PCBP3: variants seen among roughly 807,000 people sequenced by gnomAD.
PCBP3 encodes poly(rC) binding protein 3.
PCBP3 carries 25 observed loss-of-function variants against 52.7 expected under a neutral mutation model. The ratio of observed to expected loss-of-function variants is 0.47; its 90% CI spans 0.35 to 0.66. The LOEUF is 0.66. Ranked by LOEUF, PCBP3 falls within the 30% of genes least tolerant of loss-of-function variation. The pLI is 0.01. For synonymous variants in PCBP3, 162 were observed against 183.0 expected (o/e 0.89, Z 0.93); for missense variants, 391 against 490.3 (o/e 0.80, Z 1.91).
Position 45,890,511 on chromosome 21 carries a change from T to A in PCBP3, c.11-5697T>A, listed in dbSNP as rs141735452. On this transcript the variant is annotated intron_variant, in intron 5 of 17. Transcript: ENST00000681687. Reference sequence around the variant, plus strand: ...GATAATAGAACCTGGAACTCTGCACTGCTGAGGGGAATGTAGATAACAGAA... The same window carrying A: ...GATAATAGAACCTGGAACTCTGCACAGCTGAGGGGAATGTAGATAACAGAA... 7.0e-4 allele frequency among the ~76,000 whole-genome samples: 101 copies of A among 144,598 alleles called. 5 individuals carry two copies. The highest frequency in any genetic ancestry group is 2.6e-3 in the African/African-American group (100 of 37,938). 94.9% of individuals were successfully genotyped at this position (144,598 alleles called of 152,430 possible).
At chr21:45,908,230 G>A (rs551279801) in intron 9 of PCBP3, among the ~76,000 whole-genome samples, 1 of 152,276 alleles carries the variant, frequency 6.6e-6, no homozygotes, top group South Asian at 2.1e-4. Context: ...GTTTTCCTGG[G>A]AGAGGAGGGG....
intron 4 of PCBP3, among the ~76,000 whole-genome samples, chr21:45,779,811 T>A (rs1196148011): frequency 4.6e-5 from 7 of 152,192 alleles, no homozygotes; most frequent in Non-Finnish European, 1.0e-4. Context: ...GAACTCCCAA[T>A]CAAAGTCCCA....
chr21:45,764,560 A>G (rs2089104149), intron 4 of PCBP3, among the ~76,000 whole-genome samples: 1 of 152,194 alleles, frequency 6.6e-6, no homozygotes, highest in African/African-American at 2.4e-5. Flanking sequence ...GCTGCCCACC[A>G]TGGAGCCTCT....
At chr21:45,823,780 C>T (rs1157404610) in intron 4 of PCBP3, among the ~76,000 whole-genome samples, 1 of 151,772 alleles carries the variant, frequency 6.6e-6, no homozygotes, top group Non-Finnish European at 1.5e-5. Flanking sequence ...CCCTTTCTGT[C>T]GCCCAGTTTG....
chr21:45,741,851 T>C lies in PCBP3; in HGVS notation c.-162+6422T>C, dbSNP rs2086475093. On this transcript the variant is annotated intron_variant, in intron 3 of 17. Coordinates refer to ENST00000681687, the MANE Select transcript of PCBP3 (RefSeq NM_001384156.1). This position sits in a 1 kb window ranked among gnomAD's most constrained non-coding sequence, Gnocchi z 4.5. ...TTGGTGAATCTGAGGCAGATCTTTC[T>C]CCTCAGGTTGCTTGAGCTCTGCAGC... Among the ~76,000 whole-genome samples the C allele has an allele frequency of 6.6e-6, 1 of 152,112 alleles. No homozygotes were observed. Among genetic ancestry groups the C allele is most frequent in the Non-Finnish European group, 1.5e-5 (1 of 68,020 alleles).
chr21:45,730,513 T>C (rs189902838), intron 2 of PCBP3, among the ~76,000 whole-genome samples: 15 of 152,276 alleles, frequency 9.9e-5, no homozygotes, highest in Non-Finnish European at 1.3e-4. Flanking sequence ...CTGTTATAAT[T>C]GTGTGGAGTG....
intron 1 of PCBP3, among the ~76,000 whole-genome samples, chr21:45,649,409 A>T (rs2146784051): frequency 6.6e-6 from 1 of 152,336 alleles, no homozygotes; most frequent in Admixed American, 6.5e-5. Context: ...AAAAATATTT[A>T]AATATTTGCT....
At chr21:45,892,905 T>C (rs1179004366) in intron 5 of PCBP3, among the ~76,000 whole-genome samples, 1 of 151,974 alleles carries the variant, frequency 6.6e-6, no homozygotes, top group African/African-American at 2.4e-5. Flanking sequence ...TCAGGGCCAC[T>C]GTGTGAGCTG....
intron 4 of PCBP3, chr21:45,763,508 G>A (rs1331889801): frequency 6.6e-6 from 1 of 152,276 alleles, no homozygotes; most frequent in East Asian, 1.9e-4. Context: ...GCGTAGAGGA[G>A]CATCCTCAGG....
chr21:45,669,158 G>A (rs1442247237), intron 2 of PCBP3: 2 of 151,992 alleles, frequency 1.3e-5, no homozygotes, highest in Non-Finnish European at 2.9e-5. Context: ...GATTAAATTT[G>A]TGTTAGATTT....
At chr21:45,833,465 A>G (rs1345249043) in intron 4 of PCBP3, among the ~76,000 whole-genome samples, 1 of 152,252 alleles carries the variant, frequency 6.6e-6, no homozygotes, top group Non-Finnish European at 1.5e-5. Context: ...TGCCAGGCTC[A>G]GAACTTTCCC....
At chr21:45,874,809 C>T (rs952795579) in intron 5 of PCBP3, among the ~76,000 whole-genome samples, 3 of 152,218 alleles carry the variant, frequency 2.0e-5, no homozygotes, top group African/African-American at 7.2e-5. Context: ...GAAGGCATCC[C>T]TTCCCGTCAC....
chr21:45,704,971 T>C lies in PCBP3; in HGVS notation c.-199-30421T>C, dbSNP rs1603293878. Among the ~76,000 whole-genome samples the C allele has an allele frequency of 6.6e-6, 1 of 152,328 alleles. No individual in the cohort carries two copies. Among genetic ancestry groups the C allele is most frequent in the Non-Finnish European group, 1.5e-5 (1 of 68,012 alleles). ...ACCATTAGCCTCCACAGAGCCCATC[T>C]TGGGGAGGTGTGCCTCTTTTTTCTG... On this transcript the variant is annotated intron_variant, in intron 2 of 17. Coordinates refer to ENST00000681687, the MANE Select transcript of PCBP3 (RefSeq NM_001384156.1). This position sits in a 1 kb window ranked among gnomAD's most constrained non-coding sequence, Gnocchi z 4.1.
At chr21:45,667,708 G>A (rs955313956) in intron 1 of PCBP3, among the ~76,000 whole-genome samples, 5 of 151,968 alleles carry the variant, frequency 3.3e-5, no homozygotes, top group African/African-American at 1.2e-4. Context: ...CTGTGTATGG[G>A]CCATATTTTC....
intron 14 of PCBP3, 99 bp downstream of exon 14, chr21:45,930,094 T>C (rs2075980660): frequency 5.7e-6 from 5 of 872,028 alleles, no homozygotes; most frequent in South Asian, 1.7e-5. Flanking sequence ...ACAGGTGCAG[T>C]TGGATTTGTG....
intron 4 of PCBP3, among the ~76,000 whole-genome samples, chr21:45,824,226 C>A (rs2093241988): frequency 6.6e-6 from 1 of 152,192 alleles, no homozygotes; most frequent in Non-Finnish European, 1.5e-5. Flanking sequence ...CTCGGACACT[C>A]AGGACAAGTC....
intron 4 of PCBP3, among the ~76,000 whole-genome samples, chr21:45,787,631 C>A (rs1404392954): frequency 6.6e-6 from 1 of 152,144 alleles, no homozygotes; most frequent in Non-Finnish European, 1.5e-5. Context: ...AAAGCGAGTC[C>A]CCCTGCTTGG....
intron 2 of PCBP3, among the ~76,000 whole-genome samples, chr21:45,708,244 G>A (rs2083587495): frequency 6.6e-6 from 1 of 152,198 alleles, no homozygotes; most frequent in South Asian, 2.1e-4. Flanking sequence ...CTTCTCAAGG[G>A]CTAGAGTGGT....
At chr21:45,686,234 C>T (rs1215631290) in intron 2 of PCBP3, among the ~76,000 whole-genome samples, 1 of 152,066 alleles carries the variant, frequency 6.6e-6, no homozygotes, top group Non-Finnish European at 1.5e-5. Context: ...GAACAATTCA[C>T]ATTGCTCAAC....
Sources: gnomAD v4.1 joint callset for allele counts (sites outside exome capture counted in the v4.1 genomes callset) on GRCh38, gnomAD v4.1.1 for gene constraint, Gnocchi (gnomAD v3.1) non-coding constraint, MANE v1.5 for transcripts, NCBI Gene and HGNC (gene_info 2026-07-23, HGNC 2026-07-21) for gene names.